The following IQCH variants were observed in gnomAD, a reference collection of about 807,000 sequenced individuals.
IQCH encodes IQ motif containing H.
A neutral mutation model predicts 117.0 loss-of-function variants in IQCH; 98 were observed. The ratio of observed to expected loss-of-function variants is 0.84; its 90% confidence interval spans 0.71 to 0.99. The LOEUF (loss-of-function observed/expected upper bound fraction) is 0.99. IQCH is among the 50% of genes least tolerant of loss of function. The pLI is 0.00. For missense variants in IQCH, 1,102 were observed against 1,243.8 expected (o/e 0.89, Z 1.72); for synonymous variants, 412 against 448.2 (o/e 0.92, Z 1.02).
Position 67,365,231 on chromosome 15 carries a change from C to T in IQCH, c.753+5346C>T, listed in dbSNP as rs1970290523. Among the ~76,000 whole-genome samples the T allele has an allele frequency of 6.6e-6, 1 of 152,208 alleles. No individual in the cohort carries two copies. The highest frequency in any genetic ancestry group is 6.5e-5 in the Admixed American group (1 of 15,282). On this transcript the variant is annotated intron_variant, in intron 8 of 20. Transcript: ENST00000335894. The surrounding 1 kb of genome is among the most constrained non-coding windows in gnomAD (Gnocchi z 4.4). Reference sequence around the variant, plus strand: ...AAAGTGCTGGGATTATAGGCATGAGCCACCACACCTAGCCTGTGGAACTTC... The same window carrying T: ...AAAGTGCTGGGATTATAGGCATGAGTCACCACACCTAGCCTGTGGAACTTC...
rs572558103 is a variant in IQCH, at chr15:67,447,576, G to A, written c.2506-17551G>A. On this transcript the variant is annotated intron_variant, in intron 16 of 20. Coordinates refer to ENST00000335894, the MANE Select transcript of IQCH (RefSeq NM_001031715.3). This position sits in a 1 kb window ranked among gnomAD's most constrained non-coding sequence, Gnocchi z 5.3. ...TTGATGGGGTTGAGGGAGTGTCCCC[G>A]TGGAGGGCATAGAGCTTGCAGGGAG... is the stretch of plus-strand genomic sequence containing the variant. 7.2e-5 allele frequency among the ~76,000 whole-genome samples: 11 copies of A among 152,298 alleles called. No individual in the cohort carries two copies. The highest frequency in any genetic ancestry group is 2.1e-4 in the South Asian group (1 of 4,812).
intron 1 of IQCH, among the ~76,000 whole-genome samples, chr15:67,255,727 G>A (rs897228220): frequency 2.6e-5 from 4 of 152,144 alleles, no homozygotes; most frequent in Admixed American, 6.5e-5. Flanking sequence ...GGTCTGAAGT[G>A]GGTCTTACTC....
chr15:67,259,322 C>A (rs531160271), intron 1 of IQCH, among the ~76,000 whole-genome samples: 1 of 152,170 alleles, frequency 6.6e-6, no homozygotes, highest in Non-Finnish European at 1.5e-5. Context: ...TCTGTCAGCA[C>A]CAAAGCCTAT....
Position 67,370,846 on chromosome 15 carries a change from A to G in IQCH, c.754-1265A>G, listed in dbSNP as rs1364187878. On this transcript the variant is annotated intron_variant, in intron 8 of 20. Coordinates refer to ENST00000335894, the MANE Select transcript of IQCH (RefSeq NM_001031715.3). The surrounding 1 kb of genome is among the most constrained non-coding windows in gnomAD (Gnocchi z 5.6). ...TTGTTTTTCAGCATTTTTACTTGAG[A>G]TGGCAGTCTAATTAATTATTGTGCG... Among the ~76,000 whole-genome samples, 1 of 152,150 alleles carries G rather than the reference A, an allele frequency of 6.6e-6. No homozygotes were observed.
intron 10 of IQCH, among the ~76,000 whole-genome samples, chr15:67,380,469 T>C (rs1289731158): frequency 6.6e-6 from 1 of 152,234 alleles, no homozygotes; most frequent in Non-Finnish European, 1.5e-5. Flanking sequence ...CTTGCCATCT[T>C]TTGGGAACCC....
In IQCH at chr15:67,427,383, CT is replaced by C. The variant is rs1007927855; in HGVS notation, c.2505+5810del. ...TCAAATCCAGCTGTTTTTCTTTTTT[CT>C]TTTCTTTTTTTTGTAGAGATAGGGT... is the stretch of plus-strand genomic sequence containing the variant. On this transcript the variant is annotated intron_variant, in intron 16 of 20. Transcript: ENST00000335894. The surrounding 1 kb of genome is among the most constrained non-coding windows in gnomAD (Gnocchi z 4.7). Among the ~76,000 whole-genome samples the C allele has an allele frequency of 1.3e-5, 2 of 151,766 alleles. No individual in the cohort carries two copies. Among genetic ancestry groups the C allele is most frequent in the Non-Finnish European group, 2.9e-5 (2 of 67,922 alleles).
At chr15:67,486,038 CTTTTTTTT>C (rs55963427) in intron 18 of IQCH, among the ~76,000 whole-genome samples, 1 of 106,306 alleles carries the variant, frequency 9.4e-6, no homozygotes, top group African/African-American at 3.7e-5. Flanking sequence ...GCTAAGTTTT[CTTTTTTTT>C]TTTTTTTTTT....
chr15:67,318,716 A>G (rs1596169431), intron 4 of IQCH, among the ~76,000 whole-genome samples: 1 of 152,222 alleles, frequency 6.6e-6, no homozygotes, highest in East Asian at 1.9e-4. Flanking sequence ...TAAAAAACTC[A>G]GCGTAGATAT....
chr15:67,404,581 TATTA>T lies in IQCH; in HGVS notation c.2097+4280_2097+4283del, dbSNP rs1420806061. On this transcript the variant is annotated intron_variant, in intron 14 of 20. Transcript: ENST00000335894. This position sits in a 1 kb window ranked among gnomAD's most constrained non-coding sequence, Gnocchi z 4.6. The stretch of plus-strand genomic sequence containing the variant: ...AAACATAGTTGTTTTCATTTTTGTA[TATTA>T]ATTTCTAAATATGCAGTATTTCTTT... 1.4e-4 allele frequency: 22 copies of T among 152,248 alleles called. No homozygotes were observed. Among genetic ancestry groups the T allele is most frequent in the African/African-American group, 5.3e-4 (22 of 41,476 alleles). 9.4% of individuals were successfully genotyped at this position (152,248 alleles called of 1,614,324 possible).
At chr15:67,273,585 T>A (rs1965996745) in intron 3 of IQCH, among the ~76,000 whole-genome samples, 2 of 152,170 alleles carry the variant, frequency 1.3e-5, no homozygotes, top group Admixed American at 6.5e-5. Context: ...ACATTTTGAC[T>A]TTTTTTGGTC....
rs6145612 is a variant in IQCH at position 67,457,954 on chromosome 15, GTCCCCTGGGGAAGGCC to G, written c.2506-7170_2506-7155del. 0.13 allele frequency among the ~76,000 whole-genome samples: 19,287 copies of G among 152,178 alleles called. 1,319 individuals are homozygous for G. Among genetic ancestry groups the G allele is most frequent in the East Asian group, 0.2 (1,040 of 5,168 alleles). ...AAGTGGACTGAGCTGCCTCTGCCTT[GTCCCCTGGGGAAGGCC>G]TCAGGTCCTATAGACCTCACTTCTC... On this transcript the variant is annotated intron_variant, in intron 16 of 20. Transcript: ENST00000335894. The surrounding 1 kb of genome is among the most constrained non-coding windows in gnomAD (Gnocchi z 5.7).
chr15:67,320,266 CA>C (rs534800768), intron 4 of IQCH, among the ~76,000 whole-genome samples: 114 of 152,246 alleles, frequency 7.5e-4, no homozygotes, highest in Middle Eastern at 6.8e-3. Context: ...AGTATTTAAA[CA>C]AAAATGCCTA....
In IQCH at chr15:67,395,564, G is replaced by T. The variant is rs146255882; in HGVS notation, c.1905+1G>T. 57 of 1,612,830 alleles carry T rather than the reference G, an allele frequency of 3.5e-5. No individual in the cohort carries two copies. Among genetic ancestry groups the T allele is most frequent in the Non-Finnish European group, 4.7e-5 (55 of 1,179,196 alleles). ...ATATGATATTTATAGTCAGCAACAG[G>T]TATGTGGGGTGGACAAGTGAAGCTC... On this transcript the variant is annotated splice_donor_variant, in intron 13 of 20. Transcript: ENST00000335894. LOFTEE classifies it high-confidence loss of function. The surrounding 1 kb of genome is among the most constrained non-coding windows in gnomAD (Gnocchi z 4.0).
At position 67,404,121 on chromosome 15, in the gene IQCH, G is replaced by T. The variant is rs567235462; in HGVS notation, c.2097+3816G>T. ...ATTTGTACTTTGATTTACTTTGTCT[G>T]ACATTTGATATTAATTTGGGGATCA... is the stretch of plus-strand genomic sequence containing the variant. On this transcript the variant is annotated intron_variant, in intron 14 of 20. Coordinates refer to ENST00000335894, the MANE Select transcript of IQCH (RefSeq NM_001031715.3). The surrounding 1 kb of genome is among the most constrained non-coding windows in gnomAD (Gnocchi z 4.6). 1 of 152,220 alleles carries T rather than the reference G, an allele frequency of 6.6e-6. No individual in the cohort carries two copies. The highest frequency in any genetic ancestry group is 6.5e-5 in the Admixed American group (1 of 15,282). 9.4% of individuals were successfully genotyped at this position (152,220 alleles called of 1,614,324 possible).
chr15:67,494,314 T>C lies in IQCH; in HGVS notation c.2918T>C (p.Ile973Thr), dbSNP rs2083746451. 6.2e-7 allele frequency: 1 copy of C among 1,613,524 alleles called. No homozygotes were observed. The part of the protein sequence containing the change: ...VLMTFARHLF[I>T]IHQEISAPNM... ...ATGACCTTTGCTCGCCATCTCTTCA[T>C]CATCCATCAAGAAATATCAGCACCT... Residue 973 changes from isoleucine to threonine, a missense_variant, in exon 20 of 21, where the codon ATC becomes ACC. This residue lies in a region of IQCH where 650 missense variants were observed against 794.3 expected (regional missense o/e 0.82). Transcript: ENST00000335894. This position sits in a 1 kb window ranked among gnomAD's most constrained non-coding sequence, Gnocchi z 5.5.
At chr15:67,334,048 G>A (rs1394310626) in intron 4 of IQCH, among the ~76,000 whole-genome samples, 1 of 151,886 alleles carries the variant, frequency 6.6e-6, no homozygotes, top group Non-Finnish European at 1.5e-5. Context: ...ACAGAGTAAG[G>A]CCCTGTCTGA....
At position 67,405,916 on chromosome 15, in the gene IQCH, G is replaced by C. The variant is rs1328659077; in HGVS notation, c.2097+5611G>C. 10 of 152,214 alleles carry C rather than the reference G, an allele frequency of 6.6e-5. No homozygotes were observed. The highest frequency in any genetic ancestry group is 1.0e-4 in the Non-Finnish European group (7 of 68,068). 9.4% of individuals were successfully genotyped at this position (152,214 alleles called of 1,614,324 possible). A position where few individuals can be genotyped will look rare whatever the true frequency, so the allele number is the denominator to read the frequency against. On this transcript the variant is annotated intron_variant, in intron 14 of 20. Coordinates refer to ENST00000335894, the MANE Select transcript of IQCH (RefSeq NM_001031715.3). The surrounding 1 kb of genome is among the most constrained non-coding windows in gnomAD (Gnocchi z 4.8). ...AAGAGCTGGTCTCCTTTTCCCACAA[G>C]GCAGCAAACTGGGAGGTGTAGGGGG...
intron 10 of IQCH, chr15:67,373,808 G>C (rs928458864): frequency 6.3e-6 from 2 of 318,578 alleles, no homozygotes; most frequent in African/African-American, 4.5e-5. Context: ...AATAAGCCAG[G>C]ATATTGCTTG....
intron 4 of IQCH, among the ~76,000 whole-genome samples, chr15:67,279,757 C>T (rs1966273491): frequency 6.6e-6 from 1 of 152,098 alleles, no homozygotes; most frequent in Non-Finnish European, 1.5e-5. Context: ...AATTCCAGCA[C>T]TTTGGGAGGC....
Sources: gnomAD v4.1 joint callset for allele counts (sites outside exome capture counted in the v4.1 genomes callset) on GRCh38, gnomAD v4.1.1 for gene constraint, gnomAD v4.1.1 regional missense constraint, Gnocchi (gnomAD v3.1) non-coding constraint, MANE v1.5 for transcripts, NCBI Gene and HGNC (gene_info 2026-07-23, HGNC 2026-07-21) for gene names.